The following PDE10A variants were observed in gnomAD, a reference collection of about 807,000 sequenced individuals.
PDE10A encodes phosphodiesterase 10A.
A neutral mutation model predicts 97.7 loss-of-function variants in PDE10A; 39 were observed. The ratio of observed to expected loss-of-function variants is 0.40; its 90% CI spans 0.31 to 0.52. The LOEUF (loss-of-function observed/expected upper bound fraction) is 0.52. Ranked by LOEUF, PDE10A falls within the 20% of genes least tolerant of loss-of-function variation. The pLI, the probability that PDE10A is intolerant of heterozygous loss-of-function variation, is 0.56. For synonymous variants in PDE10A, 371 were observed against 376.8 expected (o/e 0.98, Z 0.18); for missense variants, 731 against 1,047.8 (o/e 0.70, Z 4.17).
chr6:165,517,488 T>C (rs1339789768), intron 2 of PDE10A, among the ~76,000 whole-genome samples: 1 of 152,200 alleles, frequency 6.6e-6, no homozygotes, highest in Non-Finnish European at 1.5e-5. Context: ...TATCCATAAT[T>C]TCCCCCAAAT....
rs183153761 is a variant in PDE10A at position 165,862,769 on chromosome 6, C to T, written c.-615+124760G>A. ...TCTCAGCTCGCTGCAACCTCCTCCT[C>T]CCAGGTTCAAGCAATTCTCCTGCCT... On this transcript the variant is annotated intron_variant, in intron 1 of 19. Transcript: ENST00000366882. Among the ~76,000 whole-genome samples the T allele has an allele frequency of 6.2e-3, 945 of 151,540 alleles. 7 individuals carry two copies. The highest frequency in any genetic ancestry group is 0.022 in the African/African-American group (895 of 41,268).
intron 1 of PDE10A, among the ~76,000 whole-genome samples, chr6:165,737,028 A>C (rs1792592575): frequency 6.6e-6 from 1 of 152,234 alleles, no homozygotes; most frequent in African/African-American, 2.4e-5. Flanking sequence ...ATTATATGTC[A>C]ATAAATGGCA....
chr6:165,668,709 AAAG>A (rs1370258528), intron 1 of PDE10A, among the ~76,000 whole-genome samples: 1 of 151,622 alleles, frequency 6.6e-6, no homozygotes, highest in Non-Finnish European at 1.5e-5. Context: ...GGAAGAAAGA[AAAG>A]AAAGAAAGAG....
intron 1 of PDE10A, among the ~76,000 whole-genome samples, chr6:165,727,832 G>T (rs1470197548): frequency 6.6e-6 from 1 of 152,134 alleles, no homozygotes. Flanking sequence ...ACTTTGTCTC[G>T]CTGCTTTTCA....
intron 21 of PDE10A, among the ~76,000 whole-genome samples, chr6:165,334,531 AAC>A: frequency 6.6e-6 from 1 of 152,250 alleles, no homozygotes; most frequent in East Asian, 1.9e-4. Flanking sequence ...CCTGGCATAA[AAC>A]ACACAGAATT....
chr6:165,968,787 A>G (rs1784589308), intron 1 of PDE10A, among the ~76,000 whole-genome samples: 1 of 152,242 alleles, frequency 6.6e-6, no homozygotes, highest in Non-Finnish European at 1.5e-5. Context: ...ACTCTTGATT[A>G]AAAGGAAAAT....
At chr6:165,927,588 T>C (rs1032066153) in intron 1 of PDE10A, among the ~76,000 whole-genome samples, 1 of 149,322 alleles carries the variant, frequency 6.7e-6, no homozygotes, top group Non-Finnish European at 1.5e-5. Context: ...TATTTTCTCT[T>C]GCTTATATGT....
intron 1 of PDE10A, among the ~76,000 whole-genome samples, chr6:165,954,438 C>T (rs1400335048): frequency 6.6e-6 from 1 of 152,198 alleles, no homozygotes; most frequent in East Asian, 1.9e-4. Flanking sequence ...TAGACATTCA[C>T]AGTTTAACGT....
chr6:165,672,554 C>G (rs1283295533), intron 1 of PDE10A, among the ~76,000 whole-genome samples: 1 of 152,212 alleles, frequency 6.6e-6, no homozygotes. Context: ...CCATAATTCC[C>G]TCATGTTGTG....
rs1013851739 is a variant in PDE10A, at chr6:165,523,035, T to A, written c.994+20405A>T. Among the ~76,000 whole-genome samples, 88 of 148,236 alleles carry A rather than the reference T, an allele frequency of 5.9e-4. 1 individual carries two copies. Among genetic ancestry groups the A allele is most frequent in the African/African-American group, 2.1e-3 (85 of 40,542 alleles). On this transcript the variant is annotated intron_variant, in intron 2 of 21. Transcript: ENST00000539869. ...ATCCCATTTACAATAGCCACAAAAA[T>A]AAAAAAAAATACCTAGGAATGCATC...
At chr6:165,517,910 G>A (rs1781907920) in intron 2 of PDE10A, among the ~76,000 whole-genome samples, 1 of 152,170 alleles carries the variant, frequency 6.6e-6, no homozygotes, top group Admixed American at 6.5e-5. Flanking sequence ...TTTTGTGAGT[G>A]ATTCCATGTG....
At chr6:165,544,683 A>G (rs1289732952) in intron 1 of PDE10A, among the ~76,000 whole-genome samples, 2 of 152,154 alleles carry the variant, frequency 1.3e-5, no homozygotes, top group Admixed American at 1.3e-4. Context: ...CCAAACAGAC[A>G]AAGCAGAGAA....
chr6:165,973,219 G>C (rs1401886282), intron 1 of PDE10A, among the ~76,000 whole-genome samples: 1 of 152,096 alleles, frequency 6.6e-6, no homozygotes, highest in Non-Finnish European at 1.5e-5. Flanking sequence ...AGGAGTTCGA[G>C]ACCAGCCTGG....
chr6:165,537,306 G>A (rs535035812), intron 2 of PDE10A, among the ~76,000 whole-genome samples: 15 of 152,100 alleles, frequency 9.9e-5, no homozygotes, highest in African/African-American at 3.4e-4. Context: ...AAATGGTTAA[G>A]AGTGGTTGGT....
intron 2 of PDE10A, among the ~76,000 whole-genome samples, chr6:165,530,143 A>T (rs1227400189): frequency 6.6e-6 from 1 of 152,070 alleles, no homozygotes. Flanking sequence ...GCCCTGGAAC[A>T]TGGGACTCCA....
chr6:165,946,509 A>G (rs930996937), intron 1 of PDE10A, among the ~76,000 whole-genome samples: 1 of 151,736 alleles, frequency 6.6e-6, no homozygotes, highest in South Asian at 2.1e-4. Context: ...AAAAAAAAAA[A>G]AAAAGAAAAA....
intron 2 of PDE10A, among the ~76,000 whole-genome samples, chr6:165,513,954 G>C (rs1348690980): frequency 6.6e-6 from 1 of 152,106 alleles, no homozygotes; most frequent in Non-Finnish European, 1.5e-5. Flanking sequence ...ATATAAGACA[G>C]TTTTAGTTCT....
At chr6:165,849,622 A>G (rs556534289) in intron 1 of PDE10A, among the ~76,000 whole-genome samples, 3 of 151,834 alleles carry the variant, frequency 2.0e-5, no homozygotes, top group Non-Finnish European at 4.4e-5. Flanking sequence ...TCTAAGTTCT[A>G]CTGCCAAGGA....
At chr6:165,859,585 C>T (rs553699557) in intron 1 of PDE10A, among the ~76,000 whole-genome samples, 9 of 152,346 alleles carry the variant, frequency 5.9e-5, no homozygotes, top group South Asian at 2.1e-4. Context: ...TCTCTGGGCA[C>T]GCCACCCACC....
Sources: allele counts gnomAD v4.1 joint callset (sites outside exome capture counted in the v4.1 genomes callset), GRCh38; gene constraint gnomAD v4.1.1; transcripts MANE v1.5; gene names NCBI Gene and HGNC (gene_info 2026-07-23, HGNC 2026-07-21).